Variants in SH3GL1 observed in about 807,000 individuals in gnomAD.
The protein encoded by SH3GL1 is endophilin-A2.
Under a neutral mutation model 48.8 loss-of-function variants are expected in SH3GL1, and 21 were observed. The observed-to-expected ratio is 0.43, with a 90% CI of 0.30 to 0.62. SH3GL1 has a LOEUF of 0.62. Among genes scored for constraint, SH3GL1 ranks in the 20% least tolerant of loss-of-function variants. The pLI, the probability that SH3GL1 is intolerant of heterozygous loss-of-function variation, is 0.11. For synonymous variants in SH3GL1, 282 were observed against 217.5 expected, an observed-to-expected ratio of 1.30 and a Z score of -2.61; for missense variants, 454 against 503.0, an observed-to-expected ratio of 0.90 and a Z score of 0.93.
At chr19:4,378,835 C>T (rs1973064405) in intron 1 of SH3GL1, among the ~76,000 whole-genome samples, 1 of 152,208 alleles carries the variant, frequency 6.6e-6, no homozygotes, top group South Asian at 2.1e-4. Context: ...TTCACCTCCG[C>T]CCCACGACAC....
chr19:4,382,549 G>A lies in SH3GL1; in HGVS notation c.46-15555C>T, dbSNP rs375087351. Among the ~76,000 whole-genome samples, 9 of 151,656 alleles carry A rather than the reference G, an allele frequency of 5.9e-5. No homozygotes were observed. The East Asian group carries it at 7.8e-4, about 13-fold the overall frequency. ...TGGGATTACAGGCGTGAGCCACCGC[G>A]CCCGGCCCAGGTGCTCCGCTTTCTG... On this transcript the variant is annotated intron_variant, in intron 1 of 9. Transcript: ENST00000269886.
At chr19:4,366,905 A>G in intron 2 of SH3GL1, 21 bp downstream of exon 2, 1 of 1,611,572 alleles carries the variant, frequency 6.2e-7, no homozygotes, top group Non-Finnish European at 8.5e-7. Flanking sequence ...CACCACACAG[A>G]GCACGCAGTT....
chr19:4,364,453 G>A (rs1248628252), intron 4 of SH3GL1: 2 of 553,292 alleles, frequency 3.6e-6, no homozygotes, highest in Non-Finnish European at 6.5e-6. Context: ...ACTTCTTTGA[G>A]ATGAAGTCTC....
intron 1 of SH3GL1, among the ~76,000 whole-genome samples, chr19:4,388,063 G>T (rs1210894412): frequency 6.6e-6 from 1 of 152,016 alleles, no homozygotes; most frequent in Non-Finnish European, 1.5e-5. Context: ...GTTTCACCAT[G>T]TTGGCCAGTC....
chr19:4,399,031 G>A (rs1016614666), intron 1 of SH3GL1, among the ~76,000 whole-genome samples: 5 of 152,120 alleles, frequency 3.3e-5, no homozygotes, highest in Admixed American at 2.6e-4. Flanking sequence ...ATTAAAAAGA[G>A]CCAAGTAGGC....
intron 3 of SH3GL1, 102 bp downstream of exon 3, chr19:4,366,399 C>T (rs1972779855): frequency 1.1e-6 from 1 of 910,624 alleles, no homozygotes; most frequent in African/African-American, 1.6e-5. Flanking sequence ...GTGCCTGAAG[C>T]CCACAACCCA....
intron 1 of SH3GL1, among the ~76,000 whole-genome samples, chr19:4,369,947 A>ACGGGAAAAGCAAGGCG (rs1568411168): frequency 2.0e-5 from 3 of 152,098 alleles, no homozygotes; most frequent in Non-Finnish European, 4.4e-5. Flanking sequence ...AAAGCAAGGC[A>ACGGGAAAAGCAAGGCG]GCCGGGCCAC....
In SH3GL1 at chr19:4,384,704, C is replaced by T. The variant is rs1019958019; in HGVS notation, c.45+15620G>A. On this transcript the variant is annotated intron_variant, in intron 1 of 9. Transcript: ENST00000269886. Reference sequence around the variant, plus strand: ...CTCTAAATGTCCACTGGCTGGAGAACGGATAGACACACTGTGGAATAACCA... The same window carrying T: ...CTCTAAATGTCCACTGGCTGGAGAATGGATAGACACACTGTGGAATAACCA... Among the ~76,000 whole-genome samples, 11 of 152,286 alleles carry T rather than the reference C, an allele frequency of 7.2e-5. No homozygotes were observed. In the South Asian group the frequency reaches 1.4e-3, roughly 20 times the overall value.
Position 4,367,024 on chromosome 19 carries a change from A to G in SH3GL1, c.46-30T>C. ...AGGACAGAAGAGGGGAAACGCTGTGAGCCCAGGGGTAGGAGGAAGAAGAGG... is the reference window on the plus strand; with the variant it reads ...AGGACAGAAGAGGGGAAACGCTGTGGGCCCAGGGGTAGGAGGAAGAAGAGG... On this transcript the variant is annotated intron_variant, in intron 1 of 9. Coordinates refer to ENST00000269886, the MANE Select transcript of SH3GL1 (RefSeq NM_003025.4). This position sits in a 1 kb window ranked among gnomAD's most constrained non-coding sequence, Gnocchi z 4.2. 3 of 1,607,466 alleles carry G rather than the reference A, an allele frequency of 1.9e-6. No individual in the cohort carries two copies. The highest frequency in any genetic ancestry group is 1.7e-6 in the Non-Finnish European group (2 of 1,173,978).
chr19:4,386,851 T>A (rs1024242640), intron 1 of SH3GL1, among the ~76,000 whole-genome samples: 1 of 152,224 alleles, frequency 6.6e-6, no homozygotes, highest in African/African-American at 2.4e-5. Context: ...GTGAGGCATT[T>A]CCCACAGCGT....
At position 4,387,680 on chromosome 19, in the gene SH3GL1, T is replaced by C. The variant is rs191364731; in HGVS notation, c.45+12644A>G. ...CTCTATTGTTTTGCTGCTGTTGTAT[T>C]TGTTATTCCACTTACTGTGCGGGGT... On this transcript the variant is annotated intron_variant, in intron 1 of 9. Transcript: ENST00000269886. 1.6e-3 allele frequency among the ~76,000 whole-genome samples: 244 copies of C among 152,264 alleles called. 2 individuals are homozygous for C. The highest frequency in any genetic ancestry group is 5.8e-3 in the African/African-American group (239 of 41,546).
intron 1 of SH3GL1, among the ~76,000 whole-genome samples, chr19:4,399,812 G>C (rs1267794735): frequency 2.0e-5 from 3 of 152,240 alleles, no homozygotes; most frequent in African/African-American, 7.2e-5. Context: ...ATACGGAGTC[G>C]ATGACAGTCG....
At position 4,363,787 on chromosome 19, in the gene SH3GL1, G is replaced by A. The variant is rs1255884313; in HGVS notation, c.557C>T (p.Ala186Val). The stretch of plus-strand genomic sequence containing the variant: ...CTTGGACTCCTCGAACTTCTCCAGC[G>A]CCTGGCGTAGCTCCTCATCGGGGAT... ...GKIPDEELRQ[A>V]LEKFEESKEV... Residue 186 changes from alanine (A) to valine (V), a missense_variant, in exon 6 of 10, where the codon GCG becomes GTG. Ala to Val is a moderately conservative substitution (Grantham distance 64). This residue lies in a region of SH3GL1 where 176 missense variants were observed against 256.2 expected (regional missense o/e 0.69). Transcript: ENST00000269886. 1.2e-6 allele frequency: 2 copies of A among 1,613,770 alleles called. No homozygotes were observed. The highest frequency in any genetic ancestry group is 1.7e-6 in the Non-Finnish European group (2 of 1,180,032).
chr19:4,375,407 G>C (rs1037697058), intron 1 of SH3GL1, among the ~76,000 whole-genome samples: 1 of 152,270 alleles, frequency 6.6e-6, no homozygotes. Context: ...AATGCAGTCA[G>C]GGCAGGTGGA....
chr19:4,366,703 C>T, intron 2 of SH3GL1, 130 bp from the exon 3 acceptor site: 2 of 973,044 alleles, frequency 2.1e-6, no homozygotes, highest in South Asian at 2.6e-5. Context: ...TCCATGTCTT[C>T]AGCTCAGCCA....
chr19:4,384,471 A>G (rs1973198326), intron 1 of SH3GL1, among the ~76,000 whole-genome samples: 2 of 152,348 alleles, frequency 1.3e-5, no homozygotes, highest in South Asian at 4.1e-4. Context: ...AGGACTGCTG[A>G]AAACCTATGT....
rs1430263866 is a variant in SH3GL1 at position 4,376,653 on chromosome 19, G to C, written c.46-9659C>G. The stretch of plus-strand genomic sequence containing the variant: ...TGGGCGGCCCCCCCATCTCCCCTCA[G>C]AGCTTTTGCTCTCGCTGTTCCTTCT... On this transcript the variant is annotated intron_variant, in intron 1 of 9. Coordinates refer to ENST00000269886, the MANE Select transcript of SH3GL1 (RefSeq NM_003025.4). This position sits in a 1 kb window ranked among gnomAD's most constrained non-coding sequence, Gnocchi z 4.3. Among the ~76,000 whole-genome samples the C allele has an allele frequency of 6.6e-6, 1 of 151,578 alleles. No homozygotes were observed. Among genetic ancestry groups the C allele is most frequent in the Non-Finnish European group, 1.5e-5 (1 of 67,914 alleles).
chr19:4,372,708 T>C (rs936622667), intron 1 of SH3GL1, among the ~76,000 whole-genome samples: 24 of 152,208 alleles, frequency 1.6e-4, no homozygotes, highest in Non-Finnish European at 3.4e-4. Flanking sequence ...CCATCACAGC[T>C]TCTTTCCCAT....
Position 4,367,008 on chromosome 19 carries a change from G to A in SH3GL1, c.46-14C>T, listed in dbSNP as rs189530059. ...CTCACTGACCAGCTAGAGGACAGAAGAGGGGAAACGCTGTGAGCCCAGGGG... is the reference window on the plus strand; with the variant it reads ...CTCACTGACCAGCTAGAGGACAGAAAAGGGGAAACGCTGTGAGCCCAGGGG... On this transcript the variant is annotated splice_polypyrimidine_tract_variant and intron_variant, in intron 1 of 9. Transcript: ENST00000269886. This position sits in a 1 kb window ranked among gnomAD's most constrained non-coding sequence, Gnocchi z 4.2. 6.2e-6 allele frequency: 10 copies of A among 1,613,520 alleles called. No homozygotes were observed. The African/African-American group carries it at 1.2e-4, about 19-fold the overall frequency.
Sources: gnomAD v4.1 joint callset for allele counts (sites outside exome capture counted in the v4.1 genomes callset) on GRCh38, gnomAD v4.1.1 for gene constraint, gnomAD v4.1.1 regional missense constraint, Gnocchi (gnomAD v3.1) non-coding constraint, MANE v1.5 for transcripts, NCBI Gene and HGNC (gene_info 2026-07-23, HGNC 2026-07-21) for gene names.